KSR1: variants seen among roughly 807,000 people sequenced by gnomAD.
KSR1 encodes kinase suppressor of ras 1.
Under a neutral mutation model 92.9 loss-of-function variants are expected in KSR1, and 35 were observed. The observed-to-expected ratio is 0.38, with a 90% CI of 0.29 to 0.50. The LOEUF (loss-of-function observed/expected upper bound fraction) is 0.50. Ranked by LOEUF, KSR1 falls within the 20% of genes least tolerant of loss-of-function variation. The pLI is 0.94. For synonymous variants in KSR1, 467 were observed against 472.6 expected (o/e 0.99, Z 0.15); for missense variants, 972 against 1,158.5 (o/e 0.84, Z 2.34).
chr17:27,555,004 C>A (rs2071537151), intron 2 of KSR1, among the ~76,000 whole-genome samples: 2 of 152,216 alleles, frequency 1.3e-5, no homozygotes, highest in Non-Finnish European at 2.9e-5. Context: ...TGGTATATTA[C>A]AATGAACGCA....
At chr17:27,608,621 AGGCC>A (rs77853116) in intron 15 of KSR1, among the ~76,000 whole-genome samples, 21,401 of 152,164 alleles carry the variant, frequency 0.14, 1,646 homozygotes, top group Admixed American at 0.23. Flanking sequence ...ACTGTGTCCA[AGGCC>A]ACAGAGTGAG....
At position 27,624,624 on chromosome 17, in the gene KSR1, T is replaced by G. The variant is rs545337834; in HGVS notation, c.*1232T>G. ...CTTGTCTTCGTTAGAAACTCTTAAC[T>G]GCAGAAAAAAGTTCCAGATGGCAAG... On this transcript the variant is annotated 3_prime_UTR_variant, in exon 21 of 21. Coordinates refer to ENST00000644974, the MANE Select transcript of KSR1 (RefSeq NM_001394583.1). 1 of 152,150 alleles carries G rather than the reference T, an allele frequency of 6.6e-6. No individual in the cohort carries two copies. Among genetic ancestry groups the G allele is most frequent in the Non-Finnish European group, 1.5e-5 (1 of 68,018 alleles). The allele number at this position is 152,150 out of a possible 1,614,324, so 9.4% of individuals were successfully genotyped here.
chr17:27,506,933 C>T (rs980331514), intron 1 of KSR1, among the ~76,000 whole-genome samples: 1 of 152,206 alleles, frequency 6.6e-6, no homozygotes, highest in Admixed American at 6.5e-5. Flanking sequence ...GCCTCCCACC[C>T]CTCAAATCTC....
At chr17:27,620,684 G>A (rs1382156504) in intron 19 of KSR1, among the ~76,000 whole-genome samples, 1 of 152,164 alleles carries the variant, frequency 6.6e-6, no homozygotes, top group Non-Finnish European at 1.5e-5. Flanking sequence ...AGTTCAAGGA[G>A]GGTGATGTGA....
Position 27,623,490 on chromosome 17 carries a change from G to T in KSR1, c.*98G>T, listed in dbSNP as rs769213402. ...ACGACAAAAAAACACTGCCTGCCCA[G>T]CGCTGCAAACCAGGAGCACACGTCC... On this transcript the variant is annotated 3_prime_UTR_variant, in exon 21 of 21. Transcript: ENST00000644974. 6.4e-5 allele frequency: 45 copies of T among 700,100 alleles called. No homozygotes were observed. In the Middle Eastern group the frequency reaches 6.9e-4, roughly 11 times the overall value. The allele number at this position is 700,100 out of a possible 1,614,324, so 43.4% of individuals were successfully genotyped here.
At chr17:27,479,396 C>T (rs2068447040) in intron 1 of KSR1, among the ~76,000 whole-genome samples, 1 of 152,188 alleles carries the variant, frequency 6.6e-6, no homozygotes, top group African/African-American at 2.4e-5. Flanking sequence ...ATCAATAAGG[C>T]GAGAGCAGAT....
Position 27,597,291 on chromosome 17 carries a change from C to A in KSR1, c.1323C>A (p.His441Gln), listed in dbSNP as rs763828867. The change falls in exon 10 of 21, where the codon CAC (histidine) becomes CAA (glutamine). Residue 441 changes from histidine to glutamine, a missense_variant. Coordinates refer to ENST00000644974, the MANE Select transcript of KSR1 (RefSeq NM_001394583.1). ...TKKEHPPAMN[H>Q]LDSSSNPSST... ...AGGAGCACCCTCCGGCCATGAATCA[C>A]CTGGACTCCAGCAGCAACCCTTCCT... 3.1e-6 allele frequency: 5 copies of A among 1,600,394 alleles called. No homozygotes were observed. The Admixed American group carries it at 8.7e-5, about 28-fold the overall frequency.
intron 2 of KSR1, among the ~76,000 whole-genome samples, chr17:27,570,232 GA>G (rs1202410908): frequency 6.6e-6 from 1 of 152,152 alleles, no homozygotes; most frequent in Non-Finnish European, 1.5e-5. Flanking sequence ...GCTGCCCTGG[GA>G]AAAAGGGCTC....
chr17:27,466,709 G>C (rs551880671), intron 1 of KSR1, among the ~76,000 whole-genome samples: 1 of 152,372 alleles, frequency 6.6e-6, no homozygotes, highest in African/African-American at 2.4e-5. Context: ...GCTCTGAATG[G>C]AAAGGAAAGG....
intron 1 of KSR1, among the ~76,000 whole-genome samples, chr17:27,503,175 A>G (rs1212216629): frequency 6.6e-6 from 1 of 152,232 alleles, no homozygotes; most frequent in African/African-American, 2.4e-5. Flanking sequence ...AATAAAGAGT[A>G]TACTTCTTGT....
chr17:27,584,053 C>CT (rs2072877722), intron 4 of KSR1: 2 of 866,124 alleles, frequency 2.3e-6, no homozygotes, highest in Non-Finnish European at 2.8e-6. Context: ...AGATCATTGT[C>CT]TTTTTTGTTA....
At chr17:27,526,745 A>T (rs908720336) in intron 1 of KSR1, 2 of 1,242,546 alleles carry the variant, frequency 1.6e-6, no homozygotes, top group African/African-American at 3.0e-5. Flanking sequence ...TGGAAAACGT[A>T]TGAACTCTTT....
At chr17:27,521,334 CTT>C (rs759201177) in intron 1 of KSR1, among the ~76,000 whole-genome samples, 89 of 134,828 alleles carry the variant, frequency 6.6e-4, no homozygotes, top group Non-Finnish European at 5.3e-4. Context: ...AAGGCCATTC[CTT>C]TTTTTTTTTT....
At chr17:27,580,920 C>G (rs2072727332) in intron 3 of KSR1, among the ~76,000 whole-genome samples, 1 of 152,162 alleles carries the variant, frequency 6.6e-6, no homozygotes, top group Non-Finnish European at 1.5e-5. Context: ...GTATGCACCA[C>G]CACACCTGGT....
intron 1 of KSR1, among the ~76,000 whole-genome samples, chr17:27,501,289 C>CTTTTT (rs1567768260): frequency 9.2e-5 from 4 of 43,590 alleles, no homozygotes; most frequent in African/African-American, 2.5e-4. Flanking sequence ...AATTTCTTTT[C>CTTTTT]TTCTTTTTTT....
In KSR1 at chr17:27,577,720, C is replaced by T. The variant is rs758490358; in HGVS notation, c.520+81C>T. ...GCCTTCACTATGGTGGGTGATGGAG[C>T]GGGGCAAGCGTGGCCCAGGGTTTCT... On this transcript the variant is annotated intron_variant, in intron 3 of 20. Coordinates refer to ENST00000644974, the MANE Select transcript of KSR1 (RefSeq NM_001394583.1). The surrounding 1 kb of genome is among the most constrained non-coding windows in gnomAD (Gnocchi z 4.5). 61 of 1,219,442 alleles carry T rather than the reference C, an allele frequency of 5.0e-5. No homozygotes were observed. The highest frequency in any genetic ancestry group is 6.8e-5 in the Non-Finnish European group (58 of 858,016). The allele number at this position is 1,219,442 out of a possible 1,614,324, so 75.5% of individuals were successfully genotyped here. A position where few individuals can be genotyped will look rare whatever the true frequency, so the allele number is the denominator to read the frequency against.
At chr17:27,603,778 T>C (rs908040495) in intron 11 of KSR1, 56 bp from the exon 12 acceptor site, 1 of 1,581,190 alleles carries the variant, frequency 6.3e-7, no homozygotes, top group Non-Finnish European at 8.7e-7. Flanking sequence ...GCACGGTGTC[T>C]CTTTGGGGAG....
At chr17:27,507,461 T>C (rs1567774917) in intron 1 of KSR1, among the ~76,000 whole-genome samples, 1 of 151,852 alleles carries the variant, frequency 6.6e-6, no homozygotes, top group South Asian at 2.1e-4. Context: ...ATTTTTAATG[T>C]TTTATATTTA....
At chr17:27,476,497 T>A (rs1026213572) in intron 1 of KSR1, among the ~76,000 whole-genome samples, 33 of 152,188 alleles carry the variant, frequency 2.2e-4, no homozygotes, top group African/African-American at 7.5e-4. Context: ...CCCTGCCTGT[T>A]TGACTGTGGT....
Sources: gnomAD v4.1 joint callset for allele counts (sites outside exome capture counted in the v4.1 genomes callset) on GRCh38, gnomAD v4.1.1 for gene constraint, Gnocchi (gnomAD v3.1) non-coding constraint, MANE v1.5 for transcripts, NCBI Gene and HGNC (gene_info 2026-07-23, HGNC 2026-07-21) for gene names.